The following LRRC8D variants were observed in gnomAD, a reference collection of about 807,000 sequenced individuals.
LRRC8D encodes the protein volume-regulated anion channel subunit LRRC8D.
A neutral mutation model predicts 55.8 loss-of-function variants in LRRC8D; 20 were observed. The observed-to-expected ratio is 0.36, with a 90% CI of 0.25 to 0.52. LRRC8D has a LOEUF of 0.52. Ranked by LOEUF, LRRC8D falls within the 20% of genes least tolerant of loss-of-function variation. LRRC8D has a pLI of 0.93. For synonymous variants in LRRC8D, 352 were observed against 377.0 expected (o/e 0.93, Z 0.77); for missense variants, 651 against 1,030.8 (o/e 0.63, Z 5.05).
chr1:89,889,339 A>G (rs966627689), intron 2 of LRRC8D, among the ~76,000 whole-genome samples: 3 of 152,176 alleles, frequency 2.0e-5, no homozygotes, highest in African/African-American at 7.2e-5. Context: ...AAAGGAACCT[A>G]AGGAGATATG....
intron 2 of LRRC8D, among the ~76,000 whole-genome samples, chr1:89,910,825 C>T (rs1035808775): frequency 6.6e-6 from 1 of 152,122 alleles, no homozygotes; most frequent in African/African-American, 2.4e-5. Flanking sequence ...TAATTTTCTT[C>T]CTGTCTTCCC....
chr1:89,871,915 T>C (rs1662014992), intron 2 of LRRC8D, among the ~76,000 whole-genome samples: 1 of 152,214 alleles, frequency 6.6e-6, no homozygotes, highest in South Asian at 2.1e-4. Context: ...TCCTAAATAC[T>C]ACCTCGTATT....
At chr1:89,843,870 CTG>C (rs1661204074) in intron 2 of LRRC8D, 88 bp downstream of exon 2, 1 of 561,332 alleles carries the variant, frequency 1.8e-6, no homozygotes, top group Non-Finnish European at 3.2e-6. Flanking sequence ...ATCTCCAGCT[CTG>C]TGCTGCAGCT....
At chr1:89,927,704 T>G (rs1258061927) in intron 2 of LRRC8D, among the ~76,000 whole-genome samples, 1 of 152,236 alleles carries the variant, frequency 6.6e-6, no homozygotes, top group East Asian at 1.9e-4. Context: ...CAGCACTTAG[T>G]ATTATCTGTC....
Position 89,911,478 on chromosome 1 carries a change from A to G in LRRC8D, c.-2-21589A>G, listed in dbSNP as rs1663131871. On this transcript the variant is annotated intron_variant, in intron 2 of 2. Transcript: ENST00000337338. The surrounding 1 kb of genome is among the most constrained non-coding windows in gnomAD (Gnocchi z 4.0). ...AAATGTGTTTGTATAATTTGACTTT[A>G]TGTTCAAAATAAGAAACAAGTAGCC... Among the ~76,000 whole-genome samples the G allele has an allele frequency of 1.3e-5, 2 of 152,134 alleles. No homozygotes were observed. The highest frequency in any genetic ancestry group is 2.4e-5 in the African/African-American group (1 of 41,426).
chr1:89,871,945 G>C (rs925483622), intron 2 of LRRC8D, among the ~76,000 whole-genome samples: 27 of 152,176 alleles, frequency 1.8e-4, no homozygotes, highest in Admixed American at 5.2e-4. Context: ...TTACTTTTGG[G>C]CACTTACAGC....
chr1:89,929,709 T>C (rs1663651626), intron 2 of LRRC8D: 1 of 152,336 alleles, frequency 6.6e-6, no homozygotes, highest in African/African-American at 2.4e-5. Context: ...TACACAAAGC[T>C]AGATGGTGTG....
At chr1:89,845,645 C>G (rs1295786877) in intron 2 of LRRC8D, among the ~76,000 whole-genome samples, 1 of 152,122 alleles carries the variant, frequency 6.6e-6, no homozygotes, top group African/African-American at 2.4e-5. Flanking sequence ...CCATGTTGGC[C>G]AGGCTGGTCT....
intron 2 of LRRC8D, among the ~76,000 whole-genome samples, chr1:89,925,321 T>G (rs2100982506): frequency 6.6e-6 from 1 of 152,022 alleles, no homozygotes; most frequent in South Asian, 2.1e-4. Flanking sequence ...GGGATCGCGC[T>G]GATTCCACAT....
intron 2 of LRRC8D, among the ~76,000 whole-genome samples, chr1:89,924,277 C>A (rs1663497830): frequency 6.6e-6 from 1 of 152,176 alleles, no homozygotes; most frequent in Admixed American, 6.5e-5. Context: ...ACAAACACTT[C>A]TCAAAAGAAG....
intron 2 of LRRC8D, among the ~76,000 whole-genome samples, chr1:89,866,370 G>A (rs761295624): frequency 6.6e-6 from 1 of 152,252 alleles, no homozygotes; most frequent in African/African-American, 2.4e-5. Context: ...GGGGTCATTC[G>A]GATGGTCCAG....
chr1:89,847,844 A>G (rs1055747926), intron 2 of LRRC8D, among the ~76,000 whole-genome samples: 16 of 152,216 alleles, frequency 1.1e-4, no homozygotes, highest in African/African-American at 3.1e-4. Context: ...CCAAGTATAT[A>G]TTGCAAATAA....
At chr1:89,899,776 G>A (rs77918511) in intron 2 of LRRC8D, among the ~76,000 whole-genome samples, 35 of 152,340 alleles carry the variant, frequency 2.3e-4, no homozygotes, top group African/African-American at 8.2e-4. Context: ...GGGAGCTAGA[G>A]GGTGTCAGAA....
chr1:89,882,943 T>G (rs1662320591), intron 2 of LRRC8D, among the ~76,000 whole-genome samples: 1 of 151,874 alleles, frequency 6.6e-6, no homozygotes, highest in Non-Finnish European at 1.5e-5. Flanking sequence ...GTGGAGAGAT[T>G]AGGAGGGAGG....
At chr1:89,906,520 A>G (rs776666861) in intron 2 of LRRC8D, among the ~76,000 whole-genome samples, 3 of 152,172 alleles carry the variant, frequency 2.0e-5, no homozygotes, top group African/African-American at 4.8e-5. Flanking sequence ...CTAAAGAACA[A>G]GATTTTGTGG....
intron 2 of LRRC8D, among the ~76,000 whole-genome samples, chr1:89,899,083 G>C (rs916698287): frequency 6.6e-6 from 1 of 152,196 alleles, no homozygotes; most frequent in Admixed American, 6.5e-5. Flanking sequence ...TTTCATTCTG[G>C]CTGCATACTA....
chr1:89,921,926 AAT>A lies in LRRC8D; in HGVS notation c.-2-11136_-2-11135del, dbSNP rs540569108. 3.3e-5 allele frequency among the ~76,000 whole-genome samples: 5 copies of A among 152,196 alleles called. No homozygotes were observed. In the South Asian group the frequency reaches 8.3e-4, roughly 25 times the overall value. ...TTTTATTGCTTATAACAATCTCATG[AAT>A]ATATGTTTTCTAGCAGTCACCAAGC... On this transcript the variant is annotated intron_variant, in intron 2 of 2. Transcript: ENST00000337338.
At chr1:89,843,309 C>T in intron 1 of LRRC8D, 1 of 201,736 alleles carries the variant, frequency 5.0e-6, no homozygotes, top group Non-Finnish European at 1.0e-5. Flanking sequence ...GCGGAGGAAG[C>T]GTGGAGTCCA....
At chr1:89,846,877 A>G (rs1048110507) in intron 2 of LRRC8D, among the ~76,000 whole-genome samples, 1 of 152,162 alleles carries the variant, frequency 6.6e-6, no homozygotes, top group Non-Finnish European at 1.5e-5. Flanking sequence ...TTAGAATTAA[A>G]AAACCTCTTC....
Sources: gnomAD v4.1 joint callset for allele counts (sites outside exome capture counted in the v4.1 genomes callset) on GRCh38, gnomAD v4.1.1 for gene constraint, Gnocchi (gnomAD v3.1) non-coding constraint, MANE v1.5 for transcripts, NCBI Gene and HGNC (gene_info 2026-07-23, HGNC 2026-07-21) for gene names.